The following DPF3 variants were observed in gnomAD, a reference collection of about 807,000 sequenced individuals.
DPF3 encodes double PHD fingers 3, also known as zinc finger protein DPF3.
DPF3 carries 18 observed loss-of-function variants against 56.8 expected under a neutral mutation model. The ratio of observed to expected loss-of-function variants is 0.32; its 90% confidence interval spans 0.22 to 0.47. DPF3 has a LOEUF of 0.47. DPF3 is among the 20% of genes least tolerant of loss of function. The probability of loss-of-function intolerance (pLI) is 1.00; values close to 1 mark genes in which losing one functional copy is unlikely to be tolerated. For synonymous variants in DPF3, 188 were observed against 180.2 expected (o/e 1.04, Z -0.35); for missense variants, 403 against 488.8 (o/e 0.82, Z 1.65).
intron 7 of DPF3, among the ~76,000 whole-genome samples, chr14:72,680,417 G>T (rs1447045410): frequency 6.6e-6 from 1 of 152,236 alleles, no homozygotes; most frequent in East Asian, 1.9e-4. Flanking sequence ...CCCAAATGTG[G>T]AGGGGCAGGG....
At chr14:72,677,328 G>A (rs2153571114) in intron 7 of DPF3, among the ~76,000 whole-genome samples, 1 of 152,278 alleles carries the variant, frequency 6.6e-6, no homozygotes, top group African/African-American at 2.4e-5. Context: ...GTGGTCAGAT[G>A]GTGTGGAATG....
intron 9 of DPF3, among the ~76,000 whole-genome samples, chr14:72,626,144 A>G (rs1277218692): frequency 1.3e-5 from 2 of 152,004 alleles, no homozygotes; most frequent in Non-Finnish European, 2.9e-5. Context: ...TTTTCCCTAC[A>G]TCTTGGTTGA....
intron 7 of DPF3, among the ~76,000 whole-genome samples, chr14:72,678,330 G>T (rs1887004956): frequency 6.6e-6 from 1 of 152,180 alleles, no homozygotes; most frequent in South Asian, 2.1e-4. Context: ...CGCCCAATAT[G>T]ATATTTACGA....
chr14:72,731,146 T>C (rs1180976982), intron 4 of DPF3, among the ~76,000 whole-genome samples: 1 of 151,868 alleles, frequency 6.6e-6, no homozygotes, highest in East Asian at 1.9e-4. Context: ...CACTCCAGCC[T>C]GGGTGACAGA....
chr14:72,876,659 C>T (rs1427281305), intron 1 of DPF3, among the ~76,000 whole-genome samples: 4 of 152,192 alleles, frequency 2.6e-5, no homozygotes, highest in Non-Finnish European at 2.9e-5. Context: ...AAACGCCTCA[C>T]GTCTTTGTTC....
rs1272400945 is a variant in DPF3, at chr14:72,610,574, C to T, written c.*8723G>A. ...TTACAAATTGCCCTCACCCTGAACC[C>T]ACTTGGCAACGGGGAGATGACCTGG... On this transcript the variant is annotated 3_prime_UTR_variant, in exon 11 of 11. Coordinates refer to ENST00000556509, the MANE Select transcript of DPF3 (RefSeq NM_001280542.3). Among the ~76,000 whole-genome samples the T allele has an allele frequency of 2.0e-5, 3 of 152,244 alleles. No homozygotes were observed. The highest frequency in any genetic ancestry group is 6.5e-5 in the Admixed American group (1 of 15,292).
chr14:72,694,687 C>T (rs1318960103), intron 6 of DPF3, among the ~76,000 whole-genome samples: 5 of 152,178 alleles, frequency 3.3e-5, no homozygotes, highest in African/African-American at 1.2e-4. Flanking sequence ...GTAAGAACCA[C>T]CAAAACAATA....
intron 2 of DPF3, among the ~76,000 whole-genome samples, chr14:72,756,881 G>A (rs1458027199): frequency 0.017 from 1,333 of 79,684 alleles, 11 homozygotes; most frequent in Middle Eastern, 0.047. Flanking sequence ...AGGAAGGAAA[G>A]AAGGAAAGAA....
chr14:72,640,263 G>A (rs962153386), intron 8 of DPF3, among the ~76,000 whole-genome samples: 5 of 152,136 alleles, frequency 3.3e-5, no homozygotes, highest in African/African-American at 1.2e-4. Context: ...ATTTAATTCT[G>A]TAAACAGTGG....
rs1005638336 is a variant in DPF3, at chr14:72,802,019, G to A, written c.33-30126C>T. On this transcript the variant is annotated intron_variant, in intron 1 of 10. Coordinates refer to ENST00000556509, the MANE Select transcript of DPF3 (RefSeq NM_001280542.3). ...GGTGACTCAGAGCCAAGAAAACAAA[G>A]GCATGGGATAAGCCATGGAAAACAA... Among the ~76,000 whole-genome samples, 10 of 152,296 alleles carry A rather than the reference G, an allele frequency of 6.6e-5. No individual in the cohort carries two copies. In the East Asian group the frequency reaches 1.9e-3, roughly 29 times the overall value.
chr14:72,810,227 C>A (rs1019495223), intron 1 of DPF3, among the ~76,000 whole-genome samples: 1 of 152,284 alleles, frequency 6.6e-6, no homozygotes, highest in Admixed American at 6.5e-5. Context: ...TGCTGTGGTC[C>A]AGCAACATAC....
chr14:72,808,913 C>T (rs560190462), intron 1 of DPF3, among the ~76,000 whole-genome samples: 13 of 152,320 alleles, frequency 8.5e-5, no homozygotes, highest in Non-Finnish European at 1.6e-4. Context: ...ACCTGCTGTG[C>T]GAACCCAGGC....
chr14:72,893,021 A>AAGGCAGGAAGGCAGGCAGGCAGGC (rs1567273903), intron 1 of DPF3, among the ~76,000 whole-genome samples: 2 of 135,454 alleles, frequency 1.5e-5, no homozygotes, highest in African/African-American at 5.4e-5. Context: ...GGAAGGAAGG[A>AAGGCAGGAAGGCAGGCAGGCAGGC]AGGATGAAAA....
intron 5 of DPF3, among the ~76,000 whole-genome samples, chr14:72,720,378 A>G (rs934349282): frequency 6.6e-6 from 1 of 152,208 alleles, no homozygotes; most frequent in African/African-American, 2.4e-5. Flanking sequence ...AGCTGAACTG[A>G]GGCTGTGAGT....
At chr14:72,673,261 G>C (rs937252644) in intron 8 of DPF3, among the ~76,000 whole-genome samples, 1 of 152,172 alleles carries the variant, frequency 6.6e-6, no homozygotes, top group African/African-American at 2.4e-5. Context: ...TTCTTCTCTG[G>C]GGACTGGGAG....
At chr14:72,669,252 G>A (rs990557532) in intron 8 of DPF3, among the ~76,000 whole-genome samples, 12 of 152,110 alleles carry the variant, frequency 7.9e-5, no homozygotes, top group African/African-American at 2.7e-4. Flanking sequence ...GATCTGCAGG[G>A]GCTGGACTGT....
intron 1 of DPF3, among the ~76,000 whole-genome samples, chr14:72,861,698 AAG>A (rs1271962634): frequency 6.8e-6 from 1 of 146,340 alleles, no homozygotes; most frequent in African/African-American, 2.6e-5. Context: ...AAAAGAAAGA[AAG>A]AGAGAGAGAA....
chr14:72,771,726 A>G lies in DPF3; in HGVS notation c.193+7T>C. The stretch of plus-strand genomic sequence containing the variant: ...CATGCGCATGTCCCAGGAGTGGCGC[A>G]GCTCACCTGGGCCTCGGTGCCTCTT... On this transcript the variant is annotated splice_region_variant and intron_variant, in intron 2 of 10. Coordinates refer to ENST00000556509, the MANE Select transcript of DPF3 (RefSeq NM_001280542.3). The G allele has an allele frequency of 6.2e-7, 1 of 1,609,712 alleles. No individual in the cohort carries two copies. Among genetic ancestry groups the G allele is most frequent in the African/African-American group, 1.3e-5 (1 of 74,898 alleles).
At chr14:72,712,701 C>A (rs912872115) in intron 6 of DPF3, among the ~76,000 whole-genome samples, 1 of 151,970 alleles carries the variant, frequency 6.6e-6, no homozygotes, top group Non-Finnish European at 1.5e-5. Flanking sequence ...CCCATCTCTA[C>A]AGAAAATTTT....
Sources: gnomAD v4.1 joint callset for allele counts (sites outside exome capture counted in the v4.1 genomes callset) on GRCh38, gnomAD v4.1.1 for gene constraint, MANE v1.5 for transcripts, NCBI Gene and HGNC (gene_info 2026-07-23, HGNC 2026-07-21) for gene names.